FNBP1: variants seen among roughly 807,000 people sequenced by gnomAD.
FNBP1 encodes the protein formin binding protein 1, also known as formin-binding protein 1.
FNBP1 carries 26 observed loss-of-function variants against 90.6 expected under a neutral mutation model. The ratio of observed to expected loss-of-function variants is 0.29; its 90% CI spans 0.21 to 0.40. FNBP1 has a LOEUF of 0.40. Among genes scored for constraint, FNBP1 ranks in the 10% least tolerant of loss-of-function variants. The probability of loss-of-function intolerance (pLI) is 1.00; values close to 1 mark genes in which losing one functional copy is unlikely to be tolerated. For synonymous variants in FNBP1, 260 were observed against 265.2 expected (o/e 0.98, Z 0.19); for missense variants, 635 against 768.0 (o/e 0.83, Z 2.05).
intron 16 of FNBP1, among the ~76,000 whole-genome samples, chr9:129,892,414 C>CACACACACAA (rs762912634): frequency 0.012 from 1,465 of 125,264 alleles, 55 homozygotes; most frequent in East Asian, 0.053. Context: ...CACACACACA[C>CACACACACAA]ACAAAAAGGT....
At chr9:129,953,233 C>T (rs1017741271) in intron 6 of FNBP1, among the ~76,000 whole-genome samples, 1 of 152,158 alleles carries the variant, frequency 6.6e-6, no homozygotes. Context: ...CGCCTGTAAT[C>T]GCAGCACTTT....
chr9:129,904,293 G>A (rs1175440929), intron 12 of FNBP1, among the ~76,000 whole-genome samples: 1 of 152,190 alleles, frequency 6.6e-6, no homozygotes. Context: ...CATCCTTCCT[G>A]AAATCATGTC....
chr9:129,934,343 C>G (rs930952308), intron 6 of FNBP1, among the ~76,000 whole-genome samples: 1 of 152,148 alleles, frequency 6.6e-6, no homozygotes, highest in African/African-American at 2.4e-5. Context: ...GTTTTACTTG[C>G]AACGAGTCAG....
chr9:129,899,999 G>A lies in FNBP1; in HGVS notation c.1653C>T (p.Ala551=). ...DEFDDEEPLP[A]IGTCKALYTF... is the part of the protein sequence containing the mutation. ...TGTAGAGAGCTTTGCACGTCCCTAT[G>A]GCAGGGAGGGGCTCCTCATCATCAA... Residue 551 remains alanine, a synonymous_variant, in exon 15 of 17, where the codon GCC becomes GCT. Transcript: ENST00000446176. 2 of 1,612,838 alleles carry A rather than the reference G, an allele frequency of 1.2e-6. No homozygotes were observed. Among genetic ancestry groups the A allele is most frequent in the Non-Finnish European group, 8.5e-7 (1 of 1,179,360 alleles).
chr9:129,961,311 C>CA (rs1276875527), intron 4 of FNBP1, among the ~76,000 whole-genome samples: 1 of 151,812 alleles, frequency 6.6e-6, no homozygotes, highest in Non-Finnish European at 1.5e-5. Flanking sequence ...GACTCCATCT[C>CA]AAAAAAACCC....
intron 1 of FNBP1, among the ~76,000 whole-genome samples, chr9:129,999,008 C>T (rs542555042): frequency 4.6e-5 from 7 of 152,274 alleles, no homozygotes; most frequent in African/African-American, 1.2e-4. Context: ...CCTGAGGATG[C>T]CCCCACGCTC....
chr9:129,949,445 C>T (rs1325905665), intron 6 of FNBP1, among the ~76,000 whole-genome samples: 1 of 152,098 alleles, frequency 6.6e-6, no homozygotes, highest in Admixed American at 6.6e-5. Context: ...AACTGGGTGC[C>T]TTAAGGATGA....
intron 4 of FNBP1, among the ~76,000 whole-genome samples, chr9:129,976,514 G>T (rs1302627880): frequency 6.6e-6 from 1 of 152,124 alleles, no homozygotes; most frequent in African/African-American, 2.4e-5. Flanking sequence ...CCTATCCAAG[G>T]CCATATGCTA....
chr9:129,915,835 AC>A, intron 11 of FNBP1, 130 bp downstream of exon 11: 1 of 655,202 alleles, frequency 1.5e-6, no homozygotes, highest in Non-Finnish European at 2.7e-6. Flanking sequence ...GGAAACACCA[AC>A]AAAAGCACAC....
chr9:129,894,914 C>T (rs1564245730), intron 16 of FNBP1, among the ~76,000 whole-genome samples: 1 of 152,028 alleles, frequency 6.6e-6, no homozygotes, highest in Non-Finnish European at 1.5e-5. Flanking sequence ...AAAAATTAGC[C>T]AGGCGTGGTG....
Position 129,950,163 on chromosome 9 carries a change from G to C in FNBP1, c.513+7197C>G, listed in dbSNP as rs182250008. Among the ~76,000 whole-genome samples, 10 of 152,274 alleles carry C rather than the reference G, an allele frequency of 6.6e-5. No individual in the cohort carries two copies. In the East Asian group the frequency reaches 1.9e-3, roughly 29 times the overall value. ...CTTGACGCTGACATAAGCCTTCACA[G>C]GCAACAAAGTAAAAAACTGACAGAA... On this transcript the variant is annotated intron_variant, in intron 6 of 16. Coordinates refer to ENST00000446176, the MANE Select transcript of FNBP1 (RefSeq NM_015033.3).
At chr9:129,939,389 C>CG (rs2043988961) in intron 6 of FNBP1, among the ~76,000 whole-genome samples, 1 of 144,404 alleles carries the variant, frequency 6.9e-6, no homozygotes, top group South Asian at 2.2e-4. Flanking sequence ...GCCTCCGTCC[C>CG]GAAAAATAAA....
At chr9:130,027,844 T>C (rs769969191) in intron 1 of FNBP1, among the ~76,000 whole-genome samples, 2 of 151,860 alleles carry the variant, frequency 1.3e-5, no homozygotes, top group Non-Finnish European at 2.9e-5. Context: ...TTCCTAACAA[T>C]ATGGTGACTG....
intron 1 of FNBP1, among the ~76,000 whole-genome samples, chr9:130,036,759 C>G (rs1188040544): frequency 6.6e-6 from 1 of 152,172 alleles, no homozygotes; most frequent in East Asian, 1.9e-4. Context: ...GAAAAAGGAG[C>G]AGTAGGCCGG....
intron 4 of FNBP1, among the ~76,000 whole-genome samples, chr9:129,973,897 G>A (rs529670497): frequency 3.3e-5 from 5 of 151,052 alleles, no homozygotes; most frequent in African/African-American, 4.9e-5. Context: ...TGCAACCTCC[G>A]CCTCCCAGGT....
intron 4 of FNBP1, among the ~76,000 whole-genome samples, chr9:129,972,533 TTC>T (rs980752983): frequency 3.3e-5 from 5 of 151,094 alleles, no homozygotes; most frequent in African/African-American, 1.2e-4. Flanking sequence ...CGTTTTCTTT[TTC>T]TTTTTTTTTT....
rs59998364 is a variant in FNBP1 at position 129,959,273 on chromosome 9, A to G, written c.346-720T>C. 4.3e-3 allele frequency among the ~76,000 whole-genome samples: 654 copies of G among 151,224 alleles called. 5 individuals are homozygous for G. The highest frequency in any genetic ancestry group is 0.015 in the African/African-American group (617 of 41,188). The stretch of plus-strand genomic sequence containing the variant: ...GATCGTGCCACTGCACTCCAGCCTG[A>G]GTGACAGAATGAGACCCCATCTCAA... On this transcript the variant is annotated intron_variant, in intron 4 of 16. Coordinates refer to ENST00000446176, the MANE Select transcript of FNBP1 (RefSeq NM_015033.3).
Position 129,927,213 on chromosome 9 carries a change from T to C in FNBP1, c.771A>G (p.Glu257=), listed in dbSNP as rs754510045. 46 of 1,613,848 alleles carry C rather than the reference T, an allele frequency of 2.9e-5. No homozygotes were observed. The highest frequency in any genetic ancestry group is 3.7e-5 in the Non-Finnish European group (44 of 1,179,864). The change falls in exon 8 of 17, where the codon GAA becomes GAG. Residue 257 remains glutamate, a synonymous_variant. Transcript: ENST00000446176. ...TACTTACATTTTTCTGATCAATTGATTCGGCTGCTTTTACTATTCCATCCA... is the reference window on the plus strand; with the variant it reads ...TACTTACATTTTTCTGATCAATTGACTCGGCTGCTTTTACTATTCCATCCA... ...KCLDGIVKAA[E]SIDQKNDSQL...
At chr9:130,011,657 G>C (rs1472300639) in intron 1 of FNBP1, among the ~76,000 whole-genome samples, 1 of 152,046 alleles carries the variant, frequency 6.6e-6, no homozygotes, top group African/African-American at 2.4e-5. Flanking sequence ...CCTTGATCTT[G>C]AACTTCCCAG....
Sources: allele counts gnomAD v4.1 joint callset (sites outside exome capture counted in the v4.1 genomes callset), GRCh38; gene constraint gnomAD v4.1.1; transcripts MANE v1.5; gene names NCBI Gene and HGNC (gene_info 2026-07-23, HGNC 2026-07-21).